TTC23: variants seen among roughly 807,000 people sequenced by gnomAD.
The protein encoded by TTC23 is tetratricopeptide repeat protein 23.
In TTC23, 58 loss-of-function variants were observed where a neutral mutation model predicts 55.1. That is an observed-to-expected ratio of 1.05 (90% confidence interval 0.85 to 1.31). The LOEUF is 1.31. Among genes scored for constraint, TTC23 ranks in the 50% most tolerant of loss-of-function variants. TTC23 has a pLI of 0.00. For synonymous variants in TTC23, 203 were observed against 199.9 expected, an observed-to-expected ratio of 1.02 and a Z score of -0.13; for missense variants, 516 against 534.4, an observed-to-expected ratio of 0.97 and a Z score of 0.34.
intron 5 of TTC23, among the ~76,000 whole-genome samples, chr15:99,222,222 C>G (rs765163034): frequency 6.6e-6 from 1 of 152,184 alleles, no homozygotes; most frequent in African/African-American, 2.4e-5. Flanking sequence ...GCAGGCACAA[C>G]AGGGGCAAAT....
At chr15:99,152,760 T>C (rs896974043) in intron 12 of TTC23, among the ~76,000 whole-genome samples, 2 of 152,108 alleles carry the variant, frequency 1.3e-5, no homozygotes, top group African/African-American at 4.8e-5. Context: ...TATACACGAA[T>C]CACTTAACAT....
At chr15:99,161,950 T>TGA in intron 10 of TTC23, 83 bp from the exon 11 acceptor site, 1 of 1,423,318 alleles carries the variant, frequency 7.0e-7, no homozygotes. Context: ...TTAGCAGTGT[T>TGA]GAGCTATTTG....
In TTC23 at chr15:99,189,869, T is replaced by A. The variant is rs1425072520; in HGVS notation, c.759+10050A>T. ...TTGGGACAATGGACAAAATGGAATATGACCAATGTTCAAAATTCCCTGAAA... is the reference window on the plus strand; with the variant it reads ...TTGGGACAATGGACAAAATGGAATAAGACCAATGTTCAAAATTCCCTGAAA... On this transcript the variant is annotated intron_variant, in intron 9 of 13. Transcript: ENST00000394132. 2.0e-5 allele frequency among the ~76,000 whole-genome samples: 3 copies of A among 152,266 alleles called. No individual in the cohort carries two copies. In the South Asian group the frequency reaches 6.2e-4, roughly 32 times the overall value.
intron 9 of TTC23, among the ~76,000 whole-genome samples, chr15:99,188,929 C>T (rs1276857591): frequency 6.6e-6 from 1 of 152,080 alleles, no homozygotes; most frequent in African/African-American, 2.4e-5. Context: ...TCCAATAAGA[C>T]AAACTTACCA....
At chr15:99,173,180 A>G (rs1424878775) in intron 10 of TTC23, among the ~76,000 whole-genome samples, 1 of 152,246 alleles carries the variant, frequency 6.6e-6, no homozygotes, top group Non-Finnish European at 1.5e-5. Context: ...GGAAAACAGG[A>G]AAGATCTGAC....
rs76778891 is a variant in TTC23 at position 99,170,705 on chromosome 15, G to A, written c.865+4345C>T. Among the ~76,000 whole-genome samples, 366 of 152,354 alleles carry A rather than the reference G, an allele frequency of 2.4e-3. 2 individuals carry two copies. Among genetic ancestry groups the A allele is most frequent in the African/African-American group, 8.2e-3 (340 of 41,586 alleles). Reference sequence around the variant, plus strand: ...GCAGAGGCCTGGAGAAACCTAGGCCGCAGTAGATTTCTTTCATTCCTGCTG... The same window carrying A: ...GCAGAGGCCTGGAGAAACCTAGGCCACAGTAGATTTCTTTCATTCCTGCTG... On this transcript the variant is annotated intron_variant, in intron 10 of 13. Transcript: ENST00000394132.
chr15:99,239,163 G>A (rs1443457649), intron 3 of TTC23, among the ~76,000 whole-genome samples: 1 of 152,124 alleles, frequency 6.6e-6, no homozygotes, highest in Non-Finnish European at 1.5e-5. Flanking sequence ...TGTAGGTGGT[G>A]TTCTCATTCC....
chr15:99,182,291 TA>T (rs904905989), intron 9 of TTC23, among the ~76,000 whole-genome samples: 32 of 116,160 alleles, frequency 2.8e-4, no homozygotes, highest in Admixed American at 5.2e-4. Context: ...CACACACACA[TA>T]ATCATAACCC....
intron 12 of TTC23, chr15:99,148,387 AG>A (rs1178081930): frequency 1.4e-5 from 2 of 146,874 alleles, no homozygotes; most frequent in Non-Finnish European, 3.0e-5. Context: ...AAAAAAAAAA[AG>A]ACCTTCTTAG....
intron 12 of TTC23, among the ~76,000 whole-genome samples, chr15:99,147,947 G>A (rs143242095): frequency 7.6e-4 from 116 of 152,192 alleles, no homozygotes; most frequent in East Asian, 3.9e-3. Flanking sequence ...TACAGGGAAC[G>A]GATTCTAACA....
chr15:99,179,508 A>G (rs1017635926), intron 9 of TTC23, among the ~76,000 whole-genome samples: 8 of 152,228 alleles, frequency 5.3e-5, no homozygotes. Context: ...GGGAATGAAC[A>G]TATTGTGGTT....
intron 11 of TTC23, chr15:99,159,150 A>T (rs979312125): frequency 6.6e-6 from 1 of 152,336 alleles, no homozygotes. Flanking sequence ...GATCTGGGTG[A>T]CTTGGGCAAG....
At chr15:99,207,496 T>C (rs1029398522) in intron 8 of TTC23, among the ~76,000 whole-genome samples, 29 of 152,300 alleles carry the variant, frequency 1.9e-4, no homozygotes, top group African/African-American at 7.0e-4. Flanking sequence ...CGGTAGCTCA[T>C]GCCTGTAATC....
chr15:99,184,377 G>A (rs945781231), intron 9 of TTC23, among the ~76,000 whole-genome samples: 1 of 152,222 alleles, frequency 6.6e-6, no homozygotes, highest in East Asian at 1.9e-4. Context: ...GCAGCCAAGA[G>A]GGGGGTTGTA....
chr15:99,150,515 A>T (rs1216801216), intron 12 of TTC23, among the ~76,000 whole-genome samples: 4 of 152,248 alleles, frequency 2.6e-5, no homozygotes, highest in Admixed American at 2.6e-4. Flanking sequence ...GAGAGAAGAC[A>T]AATTTCCACA....
At chr15:99,220,104 T>A (rs2077800973) in intron 6 of TTC23, among the ~76,000 whole-genome samples, 1 of 152,196 alleles carries the variant, frequency 6.6e-6, no homozygotes, top group Non-Finnish European at 1.5e-5. Context: ...TGAACTCAAT[T>A]TACTGGAGGC....
chr15:99,187,058 C>G (rs1037837754), intron 9 of TTC23, among the ~76,000 whole-genome samples: 1 of 151,920 alleles, frequency 6.6e-6, no homozygotes, highest in African/African-American at 2.4e-5. Flanking sequence ...GATTTCAAAA[C>G]TTACAACAAA....
chr15:99,244,706 A>G (rs143007661), intron 2 of TTC23, among the ~76,000 whole-genome samples: 354 of 152,322 alleles, frequency 2.3e-3, no homozygotes, highest in African/African-American at 7.8e-3. Context: ...AATACTCCTC[A>G]AATTGATGTA....
intron 9 of TTC23, among the ~76,000 whole-genome samples, chr15:99,186,928 TTTTG>T (rs1027815738): frequency 2.6e-5 from 4 of 152,120 alleles, no homozygotes; most frequent in African/African-American, 9.6e-5. Flanking sequence ...GTTTGTTTTG[TTTTG>T]TTTTGTTTTT....
Sources: gnomAD v4.1 joint callset for allele counts (sites outside exome capture counted in the v4.1 genomes callset) on GRCh38, gnomAD v4.1.1 for gene constraint, MANE v1.5 for transcripts, NCBI Gene and HGNC (gene_info 2026-07-23, HGNC 2026-07-21) for gene names.